The following ASTN2 variants were observed in gnomAD, a reference collection of about 807,000 sequenced individuals.
ASTN2 encodes the protein astrotactin 2, also known as astrotactin-2.
A neutral mutation model predicts 139.8 loss-of-function variants in ASTN2; 54 were observed. The observed-to-expected ratio is 0.39, with a 90% CI of 0.31 to 0.48. The LOEUF is 0.48. ASTN2 is among the 20% of genes least tolerant of loss of function. The pLI, the probability that ASTN2 is intolerant of heterozygous loss-of-function variation, is 0.95. For missense variants in ASTN2, 1,565 were observed against 1,725.1 expected, an observed-to-expected ratio of 0.91 and a Z score of 1.64; for synonymous variants, 756 against 719.5, an observed-to-expected ratio of 1.05 and a Z score of -0.81.
intron 7 of ASTN2, among the ~76,000 whole-genome samples, chr9:116,989,244 G>A (rs1456600300): frequency 1.3e-5 from 2 of 152,122 alleles, no homozygotes; most frequent in Non-Finnish European, 2.9e-5. Context: ...TGAGTGCAAT[G>A]GGCCATACCT....
chr9:116,769,372 G>A (rs367809935), intron 13 of ASTN2, among the ~76,000 whole-genome samples: 20 of 152,034 alleles, frequency 1.3e-4, no homozygotes, highest in Admixed American at 7.9e-4. Context: ...TGTGGTGGGC[G>A]GGAGAGTAAG....
At chr9:116,901,091 T>A (rs979957725) in intron 10 of ASTN2, among the ~76,000 whole-genome samples, 4 of 26,288 alleles carry the variant, frequency 1.5e-4, no homozygotes, top group African/African-American at 2.1e-4. Flanking sequence ...GGCTACTGAT[T>A]GTGTGTGTGT....
chr9:116,966,968 T>C (rs540215651), intron 10 of ASTN2, among the ~76,000 whole-genome samples: 12 of 152,270 alleles, frequency 7.9e-5, no homozygotes, highest in African/African-American at 2.6e-4. Context: ...TCACAAAACA[T>C]CCTGAGTTGA....
chr9:116,715,843 G>C (rs548955928), intron 16 of ASTN2, among the ~76,000 whole-genome samples: 1 of 152,268 alleles, frequency 6.6e-6, no homozygotes, highest in South Asian at 2.1e-4. Context: ...ATGAGAGGCA[G>C]ACAGGGAAGA....
At chr9:116,465,099 G>C (rs1159559104) in intron 20 of ASTN2, among the ~76,000 whole-genome samples, 3 of 152,186 alleles carry the variant, frequency 2.0e-5, no homozygotes, top group Non-Finnish European at 4.4e-5. Flanking sequence ...TAGCACACCT[G>C]CCTGAGATGT....
In ASTN2 at chr9:117,414,687, G is replaced by A. The variant is rs1304129897; in HGVS notation, c.252C>T (p.Ser84=). The A allele has an allele frequency of 4.8e-6, 6 of 1,250,432 alleles. No individual in the cohort carries two copies. The highest frequency in any genetic ancestry group is 2.9e-5 in the South Asian group (1 of 34,850). 77.5% of individuals were successfully genotyped at this position (1,250,432 alleles called of 1,614,324 possible). Reference sequence around the variant, plus strand: ...CAGCCCCGGCCCCGGCGCGGGCGCCGCTCCAGCCGATGTCGCTCTCCCGCA... The same window carrying A: ...CAGCCCCGGCCCCGGCGCGGGCGCCACTCCAGCCGATGTCGCTCTCCCGCA... ...PALRESDIGW[S]GARAGAGAGT... is the part of the protein sequence containing the mutation. Residue 84 remains serine (S), a synonymous_variant, in exon 1 of 23, where the codon AGC becomes AGT. Coordinates refer to ENST00000313400, the MANE Select transcript of ASTN2 (RefSeq NM_001365068.1). This position sits in a 1 kb window ranked among gnomAD's most constrained non-coding sequence, Gnocchi z 4.2.
At chr9:117,072,979 G>A (rs895597946) in intron 5 of ASTN2, among the ~76,000 whole-genome samples, 2 of 152,030 alleles carry the variant, frequency 1.3e-5, no homozygotes, top group Non-Finnish European at 2.9e-5. Context: ...TAGAGATGAA[G>A]AGAGATCAAG....
At chr9:116,991,444 A>G (rs1375292394) in intron 7 of ASTN2, among the ~76,000 whole-genome samples, 1 of 152,176 alleles carries the variant, frequency 6.6e-6, no homozygotes, top group South Asian at 2.1e-4. Flanking sequence ...AAGTATTGCC[A>G]GCATTGGGGG....
intron 1 of ASTN2, among the ~76,000 whole-genome samples, chr9:117,411,326 AAAG>A (rs1831154290): frequency 2.0e-5 from 3 of 152,148 alleles, no homozygotes; most frequent in Non-Finnish European, 4.4e-5. Flanking sequence ...ATCAGATTCT[AAAG>A]AAGAATCCCA....
intron 19 of ASTN2, among the ~76,000 whole-genome samples, chr9:116,547,846 A>C (rs1021745899): frequency 2.0e-5 from 3 of 151,956 alleles, no homozygotes; most frequent in African/African-American, 7.3e-5. Context: ...GCTGCCCCCC[A>C]AGCTGAGGTT....
At chr9:117,088,804 C>T (rs1410703859) in intron 5 of ASTN2, among the ~76,000 whole-genome samples, 2 of 152,162 alleles carry the variant, frequency 1.3e-5, no homozygotes, top group Non-Finnish European at 2.9e-5. Context: ...ATGAGAAAAG[C>T]GAGGTCCAGA....
intron 3 of ASTN2, among the ~76,000 whole-genome samples, chr9:117,204,039 C>T (rs1358276456): frequency 6.6e-6 from 1 of 152,172 alleles, no homozygotes; most frequent in Non-Finnish European, 1.5e-5. Flanking sequence ...AATTCTGTCC[C>T]AGAGCCTCTG....
rs189627327 is a variant in ASTN2 at position 116,501,580 on chromosome 9, C to G, written c.3356-14080G>C. On this transcript the variant is annotated intron_variant, in intron 19 of 22. Transcript: ENST00000313400. ...TGGTTGAACTAGTTTACAGTCCCACCAACAGTGTAAAAGTGTTCCTATTTC... is the reference window on the plus strand; with the variant it reads ...TGGTTGAACTAGTTTACAGTCCCACGAACAGTGTAAAAGTGTTCCTATTTC... Among the ~76,000 whole-genome samples, 657 of 151,950 alleles carry G rather than the reference C, an allele frequency of 4.3e-3. 2 individuals are homozygous for G. The highest frequency in any genetic ancestry group is 0.02 in the Middle Eastern group (6 of 294).
At position 117,173,240 on chromosome 9, in the gene ASTN2, A is replaced by C. The variant is rs185780307; in HGVS notation, c.1016-31762T>G. Among the ~76,000 whole-genome samples the C allele has an allele frequency of 8.6e-3, 1,309 of 152,294 alleles. 19 individuals carry two copies. Among genetic ancestry groups the C allele is most frequent in the African/African-American group, 0.03 (1,248 of 41,576 alleles). On this transcript the variant is annotated intron_variant, in intron 3 of 22. Coordinates refer to ENST00000313400, the MANE Select transcript of ASTN2 (RefSeq NM_001365068.1). Reference sequence around the variant, plus strand: ...TAGCAATCTGGCCCCAAAACAAGAAAGCAAAACCTGTTAGAAACAAATGAA... The same window carrying C: ...TAGCAATCTGGCCCCAAAACAAGAACGCAAAACCTGTTAGAAACAAATGAA...
chr9:117,296,300 A>AAGAAAGAAAG (rs1554716837), intron 1 of ASTN2, among the ~76,000 whole-genome samples: 2 of 120,966 alleles, frequency 1.7e-5, no homozygotes, highest in African/African-American at 5.7e-5. Flanking sequence ...AAAAAAAAAA[A>AAGAAAGAAAG]AAAGAAAGAA....
chr9:117,349,555 G>A (rs907177598), intron 1 of ASTN2, among the ~76,000 whole-genome samples: 3 of 152,050 alleles, frequency 2.0e-5, no homozygotes, highest in African/African-American at 7.3e-5. Flanking sequence ...AAAAAGAATC[G>A]TTCACTAGTC....
intron 10 of ASTN2, among the ~76,000 whole-genome samples, chr9:116,901,729 T>C (rs773767719): frequency 1.3e-5 from 2 of 152,250 alleles, no homozygotes; most frequent in Non-Finnish European, 2.9e-5. Flanking sequence ...TTCCTACTTA[T>C]ATCTTTTAAA....
rs1407187748 is a variant in ASTN2 at position 117,066,833 on chromosome 9, G to A, written c.1277-26868C>T. Among the ~76,000 whole-genome samples the A allele has an allele frequency of 2.8e-3, 381 of 135,792 alleles. 4 individuals are homozygous for A. Among genetic ancestry groups the A allele is most frequent in the East Asian group, 9.2e-3 (41 of 4,472 alleles). The allele number at this position is 135,792 out of a possible 152,430, so 89.1% of individuals were successfully genotyped here. ...TGAGAAGTGTCTGTTCATGTCCTTC[G>A]CCCACTTTTTGATGGGGTTGTTTGT... is the stretch of plus-strand genomic sequence containing the variant. On this transcript the variant is annotated intron_variant, in intron 5 of 22. Coordinates refer to ENST00000313400, the MANE Select transcript of ASTN2 (RefSeq NM_001365068.1).
chr9:116,929,102 G>A (rs1834832911), intron 10 of ASTN2, among the ~76,000 whole-genome samples: 1 of 152,234 alleles, frequency 6.6e-6, no homozygotes, highest in East Asian at 1.9e-4. Context: ...GAATGTCAGT[G>A]TTGGAAAGGA....
Sources: gnomAD v4.1 joint callset for allele counts (sites outside exome capture counted in the v4.1 genomes callset) on GRCh38, gnomAD v4.1.1 for gene constraint, Gnocchi (gnomAD v3.1) non-coding constraint, MANE v1.5 for transcripts, NCBI Gene and HGNC (gene_info 2026-07-23, HGNC 2026-07-21) for gene names.